Variants in FSIP1 observed in about 807,000 individuals in gnomAD.
FSIP1 encodes fibrous sheath interacting protein 1.
FSIP1 carries 65 observed loss-of-function variants against 60.9 expected under a neutral mutation model. The ratio of observed to expected loss-of-function variants is 1.07; its 90% confidence interval spans 0.87 to 1.31. FSIP1 has a LOEUF of 1.31. Among genes scored for constraint, FSIP1 ranks in the 40% most tolerant of loss-of-function variants. FSIP1 has a pLI of 0.00. For synonymous variants in FSIP1, 209 were observed against 221.2 expected, an observed-to-expected ratio of 0.94 and a Z score of 0.49; for missense variants, 675 against 665.5, an observed-to-expected ratio of 1.01 and a Z score of -0.16.
intron 10 of FSIP1, among the ~76,000 whole-genome samples, chr15:39,693,950 AATG>A (rs913562817): frequency 1.3e-5 from 2 of 152,222 alleles, no homozygotes; most frequent in Non-Finnish European, 2.9e-5. Context: ...CACAAAAAAA[AATG>A]ATAAGAAGGT....
chr15:39,770,107 T>C (rs754238289), intron 3 of FSIP1, among the ~76,000 whole-genome samples: 2 of 152,210 alleles, frequency 1.3e-5, no homozygotes, highest in African/African-American at 4.8e-5. Context: ...GCATATATTA[T>C]ATTGTACAAT....
intron 5 of FSIP1, among the ~76,000 whole-genome samples, chr15:39,759,593 C>T (rs117343192): frequency 1.3e-3 from 196 of 152,248 alleles, no homozygotes; most frequent in Non-Finnish European, 2.4e-3. Flanking sequence ...TTTTCTATAG[C>T]GGCCCTAACA....
At chr15:39,739,812 T>G in intron 6 of FSIP1, 23 bp from the exon 7 acceptor site, 1 of 1,464,694 alleles carries the variant, frequency 6.8e-7, no homozygotes, top group South Asian at 1.3e-5. Context: ...AAGTTCAAAA[T>G]TTTTTCATAA....
rs893126426 is a variant in FSIP1, at chr15:39,762,401, T to C, written c.559+1420A>G. ...TTCCCTGTGGCTCTATGTCTCTTTG[T>C]GTCCTCTCCTCTTTTTTAAAGGCCC... On this transcript the variant is annotated intron_variant, in intron 5 of 11. Coordinates refer to ENST00000350221, the MANE Select transcript of FSIP1 (RefSeq NM_152597.5). Among the ~76,000 whole-genome samples the C allele has an allele frequency of 2.0e-5, 3 of 152,222 alleles. No homozygotes were observed. The South Asian group carries it at 6.2e-4, about 31-fold the overall frequency.
At chr15:39,639,985 A>G (rs981033404) in intron 10 of FSIP1, among the ~76,000 whole-genome samples, 1 of 152,218 alleles carries the variant, frequency 6.6e-6, no homozygotes, top group Admixed American at 6.5e-5. Context: ...TTGTAATCCT[A>G]GCACCTAACA....
chr15:39,767,585 C>T (rs1458251044), intron 3 of FSIP1, among the ~76,000 whole-genome samples: 1 of 152,172 alleles, frequency 6.6e-6, no homozygotes, highest in Non-Finnish European at 1.5e-5. Flanking sequence ...CCTGCCATGC[C>T]CCCATCCTGT....
At chr15:39,615,032 A>G (rs1446032826) in intron 11 of FSIP1, among the ~76,000 whole-genome samples, 3 of 152,232 alleles carry the variant, frequency 2.0e-5, no homozygotes, top group Admixed American at 1.3e-4. Context: ...AGAATGCACA[A>G]TGGGGAATGG....
At chr15:39,624,160 G>A (rs756797147) in intron 10 of FSIP1, among the ~76,000 whole-genome samples, 2 of 152,148 alleles carry the variant, frequency 1.3e-5, no homozygotes, top group Non-Finnish European at 2.9e-5. Flanking sequence ...GTTTTGGCAG[G>A]GCTGTGGGTA....
At chr15:39,763,948 A>G (rs199783761) in intron 4 of FSIP1, 34 bp from the exon 5 acceptor site, 67 of 1,101,428 alleles carry the variant, frequency 6.1e-5, no homozygotes, top group Non-Finnish European at 8.0e-5. Flanking sequence ...TAAACATGGG[A>G]AAAGAAGGCA....
chr15:39,676,750 G>A (rs961139851), intron 10 of FSIP1, among the ~76,000 whole-genome samples: 4 of 152,142 alleles, frequency 2.6e-5, no homozygotes, highest in Non-Finnish European at 4.4e-5. Context: ...TGCTCTTCCT[G>A]TCCTAAATAT....
chr15:39,766,548 G>A (rs757395382), intron 3 of FSIP1, among the ~76,000 whole-genome samples: 16 of 152,100 alleles, frequency 1.1e-4, no homozygotes, highest in Non-Finnish European at 2.1e-4. Flanking sequence ...TGAGTTACAC[G>A]TATGTCCAAG....
intron 7 of FSIP1, among the ~76,000 whole-genome samples, chr15:39,738,966 G>A (rs557371683): frequency 2.0e-5 from 3 of 152,326 alleles, no homozygotes; most frequent in Admixed American, 6.5e-5. Flanking sequence ...CTCCACACTC[G>A]CCCATGCAGT....
chr15:39,647,879 T>C (rs1298119113), intron 10 of FSIP1, among the ~76,000 whole-genome samples: 1 of 152,162 alleles, frequency 6.6e-6, no homozygotes, highest in Non-Finnish European at 1.5e-5. Flanking sequence ...ACATAGAATG[T>C]CTGAAATCCA....
At chr15:39,687,603 C>T (rs1239012677) in intron 10 of FSIP1, among the ~76,000 whole-genome samples, 2 of 152,206 alleles carry the variant, frequency 1.3e-5, no homozygotes, top group Non-Finnish European at 2.9e-5. Context: ...GCCTGAATAC[C>T]TCACATTGTA....
chr15:39,670,269 T>C (rs566026668), intron 10 of FSIP1, among the ~76,000 whole-genome samples: 5 of 152,322 alleles, frequency 3.3e-5, no homozygotes, highest in South Asian at 4.1e-4. Flanking sequence ...GCACCAACTA[T>C]GTGCCAGTCA....
At chr15:39,742,430 A>T (rs529648309) in intron 5 of FSIP1, among the ~76,000 whole-genome samples, 2 of 152,178 alleles carry the variant, frequency 1.3e-5, no homozygotes, top group Non-Finnish European at 2.9e-5. Flanking sequence ...TAGATAGGAC[A>T]TTGTGTTTTT....
intron 8 of FSIP1, among the ~76,000 whole-genome samples, chr15:39,737,663 T>TA (rs997608770): frequency 3.9e-5 from 6 of 151,966 alleles, no homozygotes; most frequent in Admixed American, 3.9e-4. Context: ...ACAGGATTTT[T>TA]AAAAAAAAAT....
intron 11 of FSIP1, among the ~76,000 whole-genome samples, chr15:39,616,624 C>T (rs1251004093): frequency 6.6e-6 from 1 of 152,178 alleles, no homozygotes; most frequent in East Asian, 1.9e-4. Context: ...CACTGAATAA[C>T]ATTTAGGTGA....
At position 39,665,270 on chromosome 15, in the gene FSIP1, T is replaced by C. The variant is rs1595589593; in HGVS notation, c.1189-47025A>G. On this transcript the variant is annotated intron_variant, in intron 10 of 11. Coordinates refer to ENST00000350221, the MANE Select transcript of FSIP1 (RefSeq NM_152597.5). Reference sequence around the variant, plus strand: ...AAACAAGGTACTTAAGAGGAACGACTGCCTTATTTATCGGTTATTAGATCC... The same window carrying C: ...AAACAAGGTACTTAAGAGGAACGACCGCCTTATTTATCGGTTATTAGATCC... 4.6e-5 allele frequency among the ~76,000 whole-genome samples: 7 copies of C among 152,322 alleles called. 1 individual carries two copies. The South Asian group carries it at 1.5e-3, about 32-fold the overall frequency.
Sources: gnomAD v4.1 joint callset for allele counts (sites outside exome capture counted in the v4.1 genomes callset) on GRCh38, gnomAD v4.1.1 for gene constraint, MANE v1.5 for transcripts, NCBI Gene and HGNC (gene_info 2026-07-23, HGNC 2026-07-21) for gene names.